LAMP3: variants seen among roughly 807,000 people sequenced by gnomAD.
LAMP3 encodes lysosome-associated membrane glycoprotein 3.
In LAMP3, 26 loss-of-function variants were observed where a neutral mutation model predicts 34.8. The observed-to-expected ratio is 0.75, with a 90% CI of 0.55 to 1.04. The LOEUF (loss-of-function observed/expected upper bound fraction) is 1.04, where lower values mean the gene tolerates loss of function less well. Ranked by LOEUF, LAMP3 falls within the 50% of genes least tolerant of loss-of-function variation. The pLI is 0.00. For missense variants in LAMP3, 495 were observed against 524.0 expected (o/e 0.94, Z 0.54); for synonymous variants, 180 against 201.9 (o/e 0.89, Z 0.92).
At chr3:183,145,765 G>A (rs549005227) in intron 3 of LAMP3, among the ~76,000 whole-genome samples, 3 of 152,258 alleles carry the variant, frequency 2.0e-5, no homozygotes, top group South Asian at 4.1e-4. Context: ...GCTGAGGCAG[G>A]AGAATCACTT....
intron 5 of LAMP3, among the ~76,000 whole-genome samples, chr3:183,124,781 G>A (rs539288337): frequency 2.0e-5 from 3 of 151,466 alleles, no homozygotes; most frequent in Admixed American, 6.6e-5. Context: ...GCGGTGAGCC[G>A]AGATCACACC....
chr3:183,134,099 C>T (rs1720009188), intron 5 of LAMP3, among the ~76,000 whole-genome samples: 1 of 152,160 alleles, frequency 6.6e-6, no homozygotes, highest in Non-Finnish European at 1.5e-5. Context: ...GAATGACATA[C>T]CTCTTCACAT....
intron 3 of LAMP3, among the ~76,000 whole-genome samples, chr3:183,141,898 A>G (rs2108602991): frequency 6.6e-6 from 1 of 152,278 alleles, no homozygotes; most frequent in East Asian, 1.9e-4. Context: ...AAGAGGTGGC[A>G]GGGGAAGATA....
chr3:183,129,342 G>A (rs1438200441), intron 5 of LAMP3, among the ~76,000 whole-genome samples: 5 of 151,890 alleles, frequency 3.3e-5, no homozygotes, highest in Non-Finnish European at 7.4e-5. Flanking sequence ...TTTATCTCAA[G>A]GAAATTTCCT....
At chr3:183,134,050 C>T (rs1365688034) in intron 5 of LAMP3, among the ~76,000 whole-genome samples, 1 of 152,202 alleles carries the variant, frequency 6.6e-6, no homozygotes, top group African/African-American at 2.4e-5. Context: ...CTCCTCTTTT[C>T]CCCCTTCTCT....
chr3:183,153,445 G>A lies in LAMP3; in HGVS notation c.759+237C>T, dbSNP rs191905594. Among the ~76,000 whole-genome samples, 40 of 152,284 alleles carry A rather than the reference G, an allele frequency of 2.6e-4. No homozygotes were observed. The East Asian group carries it at 4.6e-3, about 18-fold the overall frequency. On this transcript the variant is annotated intron_variant, in intron 2 of 5. Transcript: ENST00000265598. ...TGCCCATGTTGGCTAAAAGTGAGGT[G>A]TGTGAATATTTAAAGTTTTGTTTGC...
At chr3:183,135,991 C>T (rs369218449) in intron 4 of LAMP3, 104 bp from the exon 5 acceptor site, 41 of 896,490 alleles carry the variant, frequency 4.6e-5, no homozygotes, top group South Asian at 1.6e-4. Flanking sequence ...TCCTTCCTTC[C>T]GAGGGGCTTT....
In LAMP3 at chr3:183,135,832, C is replaced by G; in HGVS notation, c.1002G>C (p.Gly334=). 1 of 1,613,798 alleles carries G rather than the reference C, an allele frequency of 6.2e-7. No individual in the cohort carries two copies. The highest frequency in any genetic ancestry group is 1.3e-5 in the African/African-American group (1 of 75,040). The part of the protein sequence containing the change: ...HAVVMFQTAV[G]HSFKCVSEQS... ...GTTCACTCACGCACTTGAAGGAATG[C>G]CCGACTGCTGTCTGGAACATCACCA... is the stretch of plus-strand genomic sequence containing the variant. The change falls in exon 5 of 6, where the codon GGG becomes GGC. Residue 334 remains glycine, a synonymous_variant. Transcript: ENST00000265598.
chr3:183,154,149 T>G lies in LAMP3; in HGVS notation c.292A>C (p.Ser98Arg). ...PATTKNTATT[S>R]PITYTLVTTQ... ...GTGACCAGGGTGTAGGTAATTGGGCTGGTGGTTGCAGTGTTTTTTGTAGTC... is the reference window on the plus strand; with the variant it reads ...GTGACCAGGGTGTAGGTAATTGGGCGGGTGGTTGCAGTGTTTTTTGTAGTC... Residue 98 changes from serine (S) to arginine (R), a missense_variant, in exon 2 of 6, where the codon AGC (serine) becomes CGC (arginine). Ser to Arg is a moderately radical substitution (Grantham distance 110, BLOSUM62 -1). Transcript: ENST00000265598. 2 of 1,613,922 alleles carry G rather than the reference T, an allele frequency of 1.2e-6. No homozygotes were observed. The highest frequency in any genetic ancestry group is 1.7e-6 in the Non-Finnish European group (2 of 1,179,870).
rs764068946 is a variant in LAMP3, at chr3:183,124,081, T to C, written c.1251A>G (p.Ter417=). ...TATTTTCATTCCCCCCGGGCAACAATTAGATTCTCTGGTATCCAGATGATT... is the reference window on the plus strand; with the variant it reads ...TATTTTCATTCCCCCCGGGCAACAACTAGATTCTCTGGTATCCAGATGATT... ...RCQSSGYQRI[*] is the part of the protein sequence containing the mutation. The change falls in exon 6 of 6, where the codon TAA becomes TAG. Residue 417 remains the stop codon, a stop_retained_variant. Coordinates refer to ENST00000265598, the MANE Select transcript of LAMP3 (RefSeq NM_014398.4). 1.6e-4 allele frequency: 266 copies of C among 1,613,914 alleles called. No individual in the cohort carries two copies. Among genetic ancestry groups the C allele is most frequent in the Non-Finnish European group, 2.2e-4 (258 of 1,179,984 alleles).
chr3:183,160,551 A>G (rs1720947395), intron 1 of LAMP3, among the ~76,000 whole-genome samples: 1 of 152,190 alleles, frequency 6.6e-6, no homozygotes, highest in Admixed American at 6.5e-5. Context: ...CTTGAATGCC[A>G]GTCTCAGGAA....
chr3:183,129,630 C>T (rs1453478148), intron 5 of LAMP3, among the ~76,000 whole-genome samples: 1 of 152,128 alleles, frequency 6.6e-6, no homozygotes, highest in Non-Finnish European at 1.5e-5. Flanking sequence ...TTCATTTTAA[C>T]ATCTTATCTT....
intron 1 of LAMP3, among the ~76,000 whole-genome samples, chr3:183,155,205 C>T (rs989992732): frequency 6.6e-6 from 1 of 152,222 alleles, no homozygotes; most frequent in African/African-American, 2.4e-5. Context: ...CCACCGTGCC[C>T]CACCCCAAAC....
rs10663850 is a variant in LAMP3 at position 183,156,364 on chromosome 3, A to AAACAACAACAACAAC, written c.50-1988_50-1974dup. Among the ~76,000 whole-genome samples the AAACAACAACAACAAC allele has an allele frequency of 1.3e-3, 190 of 151,154 alleles. 1 individual carries two copies. The highest frequency in any genetic ancestry group is 4.1e-3 in the African/African-American group (170 of 41,154). On this transcript the variant is annotated intron_variant, in intron 1 of 5. Coordinates refer to ENST00000265598, the MANE Select transcript of LAMP3 (RefSeq NM_014398.4). ...CAATAAAAGCAAAACGCTGTCTCAA[A>AAACAACAACAACAAC]AACAACAACAACAACAACAAACAGA...
intron 5 of LAMP3, among the ~76,000 whole-genome samples, chr3:183,128,553 C>A (rs940226267): frequency 6.6e-6 from 1 of 152,096 alleles, no homozygotes; most frequent in Non-Finnish European, 1.5e-5. Context: ...TAATGAATAA[C>A]CACGTACAAA....
At chr3:183,131,855 C>T (rs1351154094) in intron 5 of LAMP3, 13 of 867,084 alleles carry the variant, frequency 1.5e-5, no homozygotes, top group Non-Finnish European at 1.8e-5. Context: ...TAATAGGAAA[C>T]CATGAATAAC....
At chr3:183,145,168 G>T (rs532980929) in intron 3 of LAMP3, among the ~76,000 whole-genome samples, 2 of 152,286 alleles carry the variant, frequency 1.3e-5, no homozygotes, top group South Asian at 4.1e-4. Flanking sequence ...TGTGGGGAGA[G>T]ATGCATGTGA....
intron 5 of LAMP3, among the ~76,000 whole-genome samples, chr3:183,126,951 C>T (rs1244574507): frequency 6.6e-6 from 1 of 152,120 alleles, no homozygotes; most frequent in East Asian, 1.9e-4. Flanking sequence ...CATAAAGGGT[C>T]CCTTTAGAGT....
intron 1 of LAMP3, among the ~76,000 whole-genome samples, chr3:183,161,552 G>A (rs893030998): frequency 2.0e-5 from 3 of 151,924 alleles, no homozygotes; most frequent in African/African-American, 7.3e-5. Flanking sequence ...AACCATGCCC[G>A]GCTAATTTCT....
Sources: allele counts gnomAD v4.1 joint callset (sites outside exome capture counted in the v4.1 genomes callset), GRCh38; gene constraint gnomAD v4.1.1; transcripts MANE v1.5; gene names NCBI Gene and HGNC (gene_info 2026-07-23, HGNC 2026-07-21).